The following HS3ST5 variants were observed in gnomAD, a reference collection of about 807,000 sequenced individuals.
The protein encoded by HS3ST5 is heparan sulfate glucosamine 3-O-sulfotransferase 5.
A neutral mutation model predicts 25.4 loss-of-function variants in HS3ST5; 10 were observed. The ratio of observed to expected loss-of-function variants is 0.39; its 90% confidence interval spans 0.24 to 0.67. HS3ST5 has a LOEUF of 0.67. HS3ST5 is among the 30% of genes least tolerant of loss of function. The pLI, the probability that HS3ST5 is intolerant of heterozygous loss-of-function variation, is 0.44. For synonymous variants in HS3ST5, 170 were observed against 162.4 expected (o/e 1.05, Z -0.36); for missense variants, 324 against 420.7 (o/e 0.77, Z 2.01).
chr6:114,139,330 C>T (rs1353825772), intron 3 of HS3ST5, among the ~76,000 whole-genome samples: 3 of 151,288 alleles, frequency 2.0e-5, no homozygotes, highest in Non-Finnish European at 4.4e-5. Flanking sequence ...GTGGGAAGAG[C>T]GGTTGGAAAA....
chr6:114,062,901 A>G (rs1275463404), intron 3 of HS3ST5, 24 bp from the exon 4 acceptor site: 10 of 1,391,912 alleles, frequency 7.2e-6, no homozygotes, highest in Non-Finnish European at 1.0e-5. Flanking sequence ...ACTCATCAGC[A>G]GCCATCTCTT....
intron 1 of HS3ST5, among the ~76,000 whole-genome samples, chr6:114,334,072 A>G (rs2114925877): frequency 6.6e-6 from 1 of 152,230 alleles, no homozygotes; most frequent in South Asian, 2.1e-4. Context: ...CTGAGTGCCC[A>G]CACTAAGGAG....
At chr6:114,184,878 T>A (rs894384539) in intron 2 of HS3ST5, among the ~76,000 whole-genome samples, 1 of 152,222 alleles carries the variant, frequency 6.6e-6, no homozygotes, top group Non-Finnish European at 1.5e-5. Context: ...TGCTTGGGAC[T>A]CATCATCCCT....
chr6:114,292,081 A>AT (rs1342287975), intron 1 of HS3ST5, among the ~76,000 whole-genome samples: 1 of 142,778 alleles, frequency 7.0e-6, no homozygotes, highest in Non-Finnish European at 1.6e-5. Context: ...TTTAAAGGGA[A>AT]TAAAGACATT....
chr6:114,080,729 T>G (rs7742268), intron 3 of HS3ST5, among the ~76,000 whole-genome samples: 2,048 of 152,180 alleles, frequency 0.013, 44 homozygotes, highest in African/African-American at 0.047. Flanking sequence ...GAGCTAAACA[T>G]TGAGCACCCA....
chr6:114,253,098 G>A (rs1772738796), intron 1 of HS3ST5, among the ~76,000 whole-genome samples: 1 of 152,110 alleles, frequency 6.6e-6, no homozygotes, highest in African/African-American at 2.4e-5. Context: ...TGAGGCAGGA[G>A]GACCTCCTGA....
At chr6:114,301,407 T>C (rs891662877) in intron 1 of HS3ST5, among the ~76,000 whole-genome samples, 1 of 152,172 alleles carries the variant, frequency 6.6e-6, no homozygotes, top group African/African-American at 2.4e-5. Context: ...GTGGATCCAC[T>C]GTCAAACACT....
chr6:114,224,855 A>G (rs1782216333), intron 2 of HS3ST5, among the ~76,000 whole-genome samples: 1 of 151,704 alleles, frequency 6.6e-6, no homozygotes, highest in African/African-American at 2.4e-5. Flanking sequence ...CTAGAGTTAA[A>G]TATTCAATGC....
intron 1 of HS3ST5, among the ~76,000 whole-genome samples, chr6:114,263,896 T>A (rs1476622787): frequency 1.3e-5 from 2 of 152,084 alleles, no homozygotes; most frequent in Admixed American, 6.6e-5. Flanking sequence ...GTTTTTTTTT[T>A]TATAATTAAG....
intron 1 of HS3ST5, among the ~76,000 whole-genome samples, chr6:114,263,735 G>T (rs1316295452): frequency 6.6e-6 from 1 of 152,190 alleles, no homozygotes. Context: ...AAGCTAAGGA[G>T]TGGGTGACAA....
chr6:114,138,756 T>TTGTC (rs1777760033), intron 3 of HS3ST5, among the ~76,000 whole-genome samples: 2 of 152,100 alleles, frequency 1.3e-5, no homozygotes, highest in Non-Finnish European at 2.9e-5. Flanking sequence ...TAATGGTGAG[T>TTGTC]TGTCTTAGTC....
intron 1 of HS3ST5, among the ~76,000 whole-genome samples, chr6:114,300,104 T>C (rs113646443): frequency 2.7e-3 from 398 of 145,870 alleles, no homozygotes; most frequent in African/African-American, 7.9e-3. Flanking sequence ...TAGGCAGTCT[T>C]TTTTTTTTTA....
chr6:114,331,988 A>G (rs189241261), intron 1 of HS3ST5, among the ~76,000 whole-genome samples: 5 of 152,120 alleles, frequency 3.3e-5, no homozygotes, highest in Admixed American at 3.3e-4. Context: ...TATGATTATT[A>G]GATATAATTT....
intron 1 of HS3ST5, among the ~76,000 whole-genome samples, chr6:114,256,433 C>A (rs1772928709): frequency 6.6e-6 from 1 of 151,914 alleles, no homozygotes; most frequent in Non-Finnish European, 1.5e-5. Context: ...TTTAACAGCA[C>A]CCAGCACCCA....
chr6:114,179,051 T>G (rs1298672509), intron 2 of HS3ST5: 1 of 152,230 alleles, frequency 6.6e-6, no homozygotes, highest in African/African-American at 2.4e-5. Context: ...AAGGACTGTA[T>G]GAGTTGCCCA....
At chr6:114,126,187 A>T (rs1406139053) in intron 3 of HS3ST5, among the ~76,000 whole-genome samples, 1 of 152,232 alleles carries the variant, frequency 6.6e-6, no homozygotes, top group South Asian at 2.1e-4. Context: ...ACGCAAGCAA[A>T]GAATTCATTG....
At chr6:114,131,811 A>G (rs1306990108) in intron 3 of HS3ST5, among the ~76,000 whole-genome samples, 2 of 152,178 alleles carry the variant, frequency 1.3e-5, no homozygotes. Context: ...GATTAGTAAC[A>G]TTCATTATCA....
At chr6:114,157,578 A>T (rs765786440) in intron 3 of HS3ST5, among the ~76,000 whole-genome samples, 6 of 152,180 alleles carry the variant, frequency 3.9e-5, no homozygotes, top group Non-Finnish European at 5.9e-5. Context: ...GTAGACCTTA[A>T]ATGTTCTTAT....
At chr6:114,223,785 A>G (rs1782151393) in intron 2 of HS3ST5, among the ~76,000 whole-genome samples, 1 of 151,800 alleles carries the variant, frequency 6.6e-6, no homozygotes, top group Non-Finnish European at 1.5e-5. Flanking sequence ...TTGGTTAATG[A>G]GTAGTTTTAA....
Sources: allele counts gnomAD v4.1 joint callset (sites outside exome capture counted in the v4.1 genomes callset), GRCh38; gene constraint gnomAD v4.1.1; transcripts MANE v1.5; gene names NCBI Gene and HGNC (gene_info 2026-07-23, HGNC 2026-07-21).